Variants in HEMK2 observed in about 807,000 individuals in gnomAD.
The protein encoded by HEMK2 is HemK methyltransferase 2, ETF1 glutamine and histone H4 lysine, also known as methyltransferase HEMK2.
the HEMK2 span, among the ~76,000 whole-genome samples, chr21:28,753,390 C>T: frequency 2.0e-5 from 3 of 151,026 alleles, no homozygotes; most frequent in African/African-American, 7.3e-5. Context: ...AGGTAACGCA[C>T]ATGTTTACAT....
At chr21:28,658,891 C>T in the HEMK2 span, among the ~76,000 whole-genome samples, 1 of 152,060 alleles carries the variant, frequency 6.6e-6, no homozygotes, top group Non-Finnish European at 1.5e-5. Flanking sequence ...ATTTTACCTG[C>T]GTCTGATCTC....
At chr21:28,694,628 A>AC in the HEMK2 span, among the ~76,000 whole-genome samples, 1 of 150,192 alleles carries the variant, frequency 6.7e-6, no homozygotes, top group Non-Finnish European at 1.5e-5. Context: ...TCCCTCCTCT[A>AC]TTTTTTTTTG....
the HEMK2 span, among the ~76,000 whole-genome samples, chr21:28,779,236 T>C: frequency 6.6e-6 from 1 of 152,120 alleles, no homozygotes; most frequent in South Asian, 2.1e-4. Flanking sequence ...GATGGATGGA[T>C]GGATAAAGAA....
At chr21:28,742,345 C>CATCTCATCA in the HEMK2 span, among the ~76,000 whole-genome samples, 1 of 152,238 alleles carries the variant, frequency 6.6e-6, no homozygotes, top group African/African-American at 2.4e-5. Flanking sequence ...AGCAACCCTA[C>CATCTCATCA]ATCTCATCAC....
chr21:28,691,758 AG>A, the HEMK2 span, among the ~76,000 whole-genome samples: 1 of 152,232 alleles, frequency 6.6e-6, no homozygotes, highest in Admixed American at 6.5e-5. Context: ...CAGAATATAA[AG>A]CTTGGACCCA....
chr21:28,759,471 T>C, the HEMK2 span, among the ~76,000 whole-genome samples: 1 of 152,176 alleles, frequency 6.6e-6, no homozygotes, highest in Non-Finnish European at 1.5e-5. Context: ...ACTTGCCTTG[T>C]CTTTGGTATG....
the HEMK2 span, among the ~76,000 whole-genome samples, chr21:28,883,423 T>C: frequency 5.3e-5 from 8 of 152,142 alleles, no homozygotes; most frequent in Admixed American, 2.6e-4. Context: ...AAGGAGCTCC[T>C]AGCTTAGTAT....
chr21:28,722,493 T>C, the HEMK2 span, among the ~76,000 whole-genome samples: 1 of 152,186 alleles, frequency 6.6e-6, no homozygotes, highest in African/African-American at 2.4e-5. Flanking sequence ...TGAAAATTAT[T>C]TGAGAGAGTT....
At chr21:28,721,657 G>C in the HEMK2 span, among the ~76,000 whole-genome samples, 1 of 151,950 alleles carries the variant, frequency 6.6e-6, no homozygotes, top group African/African-American at 2.4e-5. Context: ...CCATATAACA[G>C]CTATACTTAC....
the HEMK2 span, chr21:28,674,831 C>G: frequency 3.3e-5 from 5 of 152,198 alleles, no homozygotes; most frequent in African/African-American, 1.2e-4. Context: ...GGTGCTTTCT[C>G]TGTGTCCTCA....
the HEMK2 span, among the ~76,000 whole-genome samples, chr21:28,658,221 CCAAA>C: frequency 6.6e-6 from 1 of 151,918 alleles, no homozygotes; most frequent in Non-Finnish European, 1.5e-5. Flanking sequence ...CATCCAAAAC[CCAAA>C]CAATTTTGTA....
chr21:28,705,873 T>C, the HEMK2 span, among the ~76,000 whole-genome samples: 1 of 152,152 alleles, frequency 6.6e-6, no homozygotes, highest in African/African-American at 2.4e-5. Flanking sequence ...TGCAGAGAAA[T>C]GCAATTCTCT....
chr21:28,846,549 TA>T, the HEMK2 span, among the ~76,000 whole-genome samples: 1 of 152,142 alleles, frequency 6.6e-6, no homozygotes, highest in Non-Finnish European at 1.5e-5. Flanking sequence ...CCCTAATGAT[TA>T]GTAATATTGA....
chr21:28,783,991 T>C, the HEMK2 span, among the ~76,000 whole-genome samples: 1 of 152,312 alleles, frequency 6.6e-6, no homozygotes, highest in Admixed American at 6.5e-5. Flanking sequence ...GCTGCCTCCC[T>C]GCGGGGCAGG....
At chr21:28,873,221 C>G in the HEMK2 span, 3 of 152,110 alleles carry the variant, frequency 2.0e-5, no homozygotes, top group African/African-American at 7.2e-5. Flanking sequence ...AACTTAAATA[C>G]TATGATGTAA....
the HEMK2 span, among the ~76,000 whole-genome samples, chr21:28,840,259 A>G: frequency 6.6e-6 from 1 of 152,218 alleles, no homozygotes; most frequent in South Asian, 2.1e-4. Flanking sequence ...AACTATAAAA[A>G]TTCTAGAAGA....
chr21:28,624,148 G>T, the HEMK2 span, among the ~76,000 whole-genome samples: 1 of 152,136 alleles, frequency 6.6e-6, no homozygotes, highest in African/African-American at 2.4e-5. Context: ...GAATGTATGA[G>T]CCATTTTTCA....
chr21:28,707,148 TA>T, the HEMK2 span, among the ~76,000 whole-genome samples: 1 of 152,238 alleles, frequency 6.6e-6, no homozygotes, highest in Non-Finnish European at 1.5e-5. Context: ...AAATATTTAT[TA>T]GTTTTAAAAC....
the HEMK2 span, among the ~76,000 whole-genome samples, chr21:28,823,972 C>A: frequency 2.0e-5 from 3 of 152,312 alleles, no homozygotes; most frequent in Middle Eastern, 3.4e-3. Flanking sequence ...GAATCCCACC[C>A]CAGATCTACT....
Sources: gnomAD v4.1 joint callset for allele counts (sites outside exome capture counted in the v4.1 genomes callset) on GRCh38, gnomAD v4.1.1 for gene constraint, MANE v1.5 for transcripts, NCBI Gene and HGNC (gene_info 2026-07-23, HGNC 2026-07-21) for gene names.